Variants in RSAD2 observed in about 807,000 individuals in gnomAD.
The protein encoded by RSAD2 is S-adenosylmethionine-dependent nucleotide dehydratase RSAD2.
RSAD2 carries 38 observed loss-of-function variants against 37.7 expected under a neutral mutation model. The observed-to-expected ratio is 1.01, with a 90% CI of 0.78 to 1.32. The LOEUF (loss-of-function observed/expected upper bound fraction) is 1.32. Ranked by LOEUF, RSAD2 falls within the 40% of genes most tolerant of loss-of-function variation. The pLI is 0.00. For missense variants in RSAD2, 428 were observed against 437.5 expected, an observed-to-expected ratio of 0.98 and a Z score of 0.19; for synonymous variants, 163 against 157.4, an observed-to-expected ratio of 1.04 and a Z score of -0.27.
intron 4 of RSAD2, among the ~76,000 whole-genome samples, chr2:6,892,616 A>G (rs1558338564): frequency 6.6e-6 from 1 of 152,164 alleles, no homozygotes; most frequent in Non-Finnish European, 1.5e-5. Flanking sequence ...AAAGCCCACA[A>G]ACCTTTTAGC....
At chr2:6,875,256 A>G (rs1663262283), upstream of RSAD2, among the ~76,000 whole-genome samples, 4 of 152,236 alleles carry the variant, frequency 2.6e-5, no homozygotes, top group Non-Finnish European at 4.4e-5. Flanking sequence ...AATTTCCTAC[A>G]ATATCTGGAT....
intron 4 of RSAD2, among the ~76,000 whole-genome samples, chr2:6,891,003 T>G (rs1001096170): frequency 6.6e-6 from 1 of 152,144 alleles, no homozygotes; most frequent in Non-Finnish European, 1.5e-5. Flanking sequence ...TTAAAAAAAT[T>G]ATGATAGTAT....
At chr2:6,878,783 T>A in intron 1 of RSAD2, 1 of 1,175,982 alleles carries the variant, frequency 8.5e-7, no homozygotes, top group Non-Finnish European at 1.1e-6. Context: ...TCCAGATCTG[T>A]TCTGCCTTCC....
intron 1 of RSAD2, among the ~76,000 whole-genome samples, chr2:6,871,189 T>A (rs145402620): frequency 3.3e-5 from 5 of 152,188 alleles, no homozygotes; most frequent in African/African-American, 7.2e-5. Context: ...ATAGAAAGAT[T>A]AGCGCTTGCA....
intron 3 of RSAD2, 55 bp downstream of exon 3, chr2:6,887,219 AC>A: frequency 7.4e-7 from 1 of 1,355,678 alleles, no homozygotes; most frequent in Non-Finnish European, 1.0e-6. Context: ...TTCAGGAATG[AC>A]TTTTTTCAAT....
chr2:6,895,219 GA>G (rs1663747350), intron 5 of RSAD2, among the ~76,000 whole-genome samples: 1 of 152,172 alleles, frequency 6.6e-6, no homozygotes, highest in African/African-American at 2.4e-5. Flanking sequence ...ACCTGCCATG[GA>G]AGACTCCTCT....
intron 1 of RSAD2, among the ~76,000 whole-genome samples, chr2:6,881,056 T>C (rs1663388609): frequency 6.6e-6 from 1 of 152,206 alleles, no homozygotes; most frequent in South Asian, 2.1e-4. Flanking sequence ...CTCTAAATTC[T>C]ATTCCTTCCC....
chr2:6,883,262 A>C, intron 1 of RSAD2, 109 bp from the exon 2 acceptor site: 2 of 1,243,946 alleles, frequency 1.6e-6, no homozygotes, highest in Non-Finnish European at 2.2e-6. Flanking sequence ...AGGGGAAATT[A>C]ATGAGAAAGT....
At chr2:6,873,092 C>T (rs965844047), upstream of RSAD2, among the ~76,000 whole-genome samples, 1 of 152,156 alleles carries the variant, frequency 6.6e-6, no homozygotes, top group African/African-American at 2.4e-5. Context: ...TCTCCTTCAA[C>T]CTTTTTGTCA....
At chr2:6,881,813 A>G (rs1663409317) in intron 1 of RSAD2, among the ~76,000 whole-genome samples, 1 of 149,806 alleles carries the variant, frequency 6.7e-6, no homozygotes, top group Admixed American at 6.6e-5. Flanking sequence ...AGGTGGGTGT[A>G]TAACGCACAA....
chr2:6,877,323 C>A, upstream of RSAD2: 1 of 162,880 alleles, frequency 6.1e-6, no homozygotes, highest in Non-Finnish European at 1.4e-5. Context: ...TGTACTCATC[C>A]TCCACCAGCC....
chr2:6,880,813 T>C, intron 1 of RSAD2, among the ~76,000 whole-genome samples: 2 of 151,456 alleles, frequency 1.3e-5, no homozygotes, highest in African/African-American at 4.8e-5. Flanking sequence ...AATTTAAATT[T>C]TAATATATAT....
intron 1 of RSAD2, among the ~76,000 whole-genome samples, chr2:6,880,753 A>G (rs905669762): frequency 1.8e-4 from 27 of 152,156 alleles, no homozygotes; most frequent in African/African-American, 6.0e-4. Context: ...GTCTGAGATG[A>G]TGGTGTTCTT....
chr2:6,876,100 A>C (rs1016907951), upstream of RSAD2, among the ~76,000 whole-genome samples: 1 of 152,272 alleles, frequency 6.6e-6, no homozygotes, highest in Admixed American at 6.5e-5. Flanking sequence ...CACTTTCCAC[A>C]GGGTAAATAC....
intron 5 of RSAD2, among the ~76,000 whole-genome samples, chr2:6,894,197 A>C (rs189685082): frequency 2.0e-5 from 3 of 152,260 alleles, no homozygotes; most frequent in Non-Finnish European, 4.4e-5. Flanking sequence ...TGCTCCAAAC[A>C]CCACTGATAT....
At chr2:6,890,025 C>A in intron 3 of RSAD2, 151 bp from the exon 4 acceptor site, 1 of 636,604 alleles carries the variant, frequency 1.6e-6, no homozygotes, top group Non-Finnish European at 2.5e-6. Flanking sequence ...GGCTAGCTTT[C>A]ATTTCCCCAA....
intron 1 of RSAD2, among the ~76,000 whole-genome samples, chr2:6,871,975 A>G (rs1204497220): frequency 3.3e-5 from 5 of 152,196 alleles, no homozygotes; most frequent in Admixed American, 2.0e-4. Context: ...TGGTTGATAG[A>G]AAACAGCTTG....
chr2:6,878,719 G>T, intron 1 of RSAD2: 1 of 518,872 alleles, frequency 1.9e-6, no homozygotes, highest in Non-Finnish European at 2.8e-6. Flanking sequence ...ATTAGTAACT[G>T]GCAGCGTCTT....
At chr2:6,874,626 G>A (rs184137289), upstream of RSAD2, among the ~76,000 whole-genome samples, 43 of 152,210 alleles carry the variant, frequency 2.8e-4, no homozygotes, top group East Asian at 3.1e-3. Context: ...TTAATTAACC[G>A]AAAGTAAGTA....
Sources: gnomAD v4.1 joint callset for allele counts (sites outside exome capture counted in the v4.1 genomes callset) on GRCh38, gnomAD v4.1.1 for gene constraint, MANE v1.5 for transcripts, NCBI Gene and HGNC (gene_info 2026-07-23, HGNC 2026-07-21) for gene names.